The following BABAM2 variants were observed in gnomAD, a reference collection of about 807,000 sequenced individuals.
BABAM2 encodes BRISC and BRCA1 A complex member 2.
BABAM2 carries 31 observed loss-of-function variants against 54.7 expected under a neutral mutation model. That is an observed-to-expected ratio of 0.57 (90% CI 0.43 to 0.77). The LOEUF is 0.77. Among genes scored for constraint, BABAM2 ranks in the 30% least tolerant of loss-of-function variants. The pLI, the probability that BABAM2 is intolerant of heterozygous loss-of-function variation, is 0.00. For missense variants in BABAM2, 364 were observed against 455.8 expected (o/e 0.80, Z 1.83); for synonymous variants, 167 against 162.9 (o/e 1.03, Z -0.19).
rs182314431 is a variant in BABAM2 at position 28,187,165 on chromosome 2, A to G, written c.681-50037A>G. Among the ~76,000 whole-genome samples the G allele has an allele frequency of 5.3e-4, 81 of 152,208 alleles. 2 individuals are homozygous for G. In the East Asian group the frequency reaches 8.7e-3, roughly 16 times the overall value. The stretch of plus-strand genomic sequence containing the variant: ...TTTGATTGTGCATGCTACTGCAACT[A>G]TGGTATGTGAGTCTTGATTCCTATT... On this transcript the variant is annotated intron_variant, in intron 7 of 11. Coordinates refer to ENST00000379624, the MANE Select transcript of BABAM2 (RefSeq NM_199191.3).
At position 27,995,327 on chromosome 2, in the gene BABAM2, A is replaced by G. The variant is rs1443191159; in HGVS notation, c.300+7240A>G. ...AGCAAGGAGGAAAGTACACAGAACC[A>G]GGATAAGAAGCTCCTCCCTCTGCTG... On this transcript the variant is annotated intron_variant, in intron 4 of 11. Transcript: ENST00000379624. This position sits in a 1 kb window ranked among gnomAD's most constrained non-coding sequence, Gnocchi z 4.1. Among the ~76,000 whole-genome samples the G allele has an allele frequency of 6.6e-6, 1 of 152,138 alleles. No homozygotes were observed. The highest frequency in any genetic ancestry group is 6.5e-5 in the Admixed American group (1 of 15,276).
At chr2:28,237,847 G>T (rs144642899) in intron 8 of BABAM2, among the ~76,000 whole-genome samples, 56 of 152,094 alleles carry the variant, frequency 3.7e-4, no homozygotes, top group Non-Finnish European at 7.1e-4. Context: ...CAAGTCAGCT[G>T]GTCTTTTTAT....
At chr2:28,150,993 T>C (rs570726880) in intron 7 of BABAM2, among the ~76,000 whole-genome samples, 1 of 152,346 alleles carries the variant, frequency 6.6e-6, no homozygotes, top group South Asian at 2.1e-4. Flanking sequence ...TCTGACTCTT[T>C]AAGGAAATTA....
At chr2:27,921,571 A>G (rs1051734424) in intron 2 of BABAM2, among the ~76,000 whole-genome samples, 1 of 152,118 alleles carries the variant, frequency 6.6e-6, no homozygotes, top group African/African-American at 2.4e-5. Context: ...CAGCTCTGTC[A>G]CTCACTAGCA....
At chr2:28,083,976 G>A (rs1017412150) in intron 6 of BABAM2, among the ~76,000 whole-genome samples, 3 of 152,098 alleles carry the variant, frequency 2.0e-5, no homozygotes, top group South Asian at 2.1e-4. Flanking sequence ...GTAACATTTT[G>A]TTATTATACA....
At chr2:28,145,902 A>G (rs575873609) in intron 7 of BABAM2, among the ~76,000 whole-genome samples, 1 of 152,310 alleles carries the variant, frequency 6.6e-6, no homozygotes, top group Admixed American at 6.5e-5. Flanking sequence ...TTTAGCATGT[A>G]TCAATACTTC....
intron 11 of BABAM2, among the ~76,000 whole-genome samples, chr2:28,312,320 A>G (rs1689158248): frequency 6.6e-6 from 1 of 152,212 alleles, no homozygotes; most frequent in Non-Finnish European, 1.5e-5. Context: ...ATGCCTTATT[A>G]AAGTAGAGGA....
chr2:27,949,938 A>T (rs1669581016), intron 3 of BABAM2, among the ~76,000 whole-genome samples: 1 of 152,126 alleles, frequency 6.6e-6, no homozygotes, highest in Non-Finnish European at 1.5e-5. Context: ...TTTAAAAATT[A>T]TATGTGTGCA....
intron 6 of BABAM2, among the ~76,000 whole-genome samples, chr2:28,066,894 T>C (rs1026122954): frequency 3.3e-5 from 5 of 152,220 alleles, no homozygotes; most frequent in African/African-American, 1.2e-4. Context: ...TCTCCACCGT[T>C]TGAAGGTAGG....
intron 7 of BABAM2, among the ~76,000 whole-genome samples, chr2:28,223,890 T>C (rs145236866): frequency 7.0e-4 from 106 of 152,306 alleles, no homozygotes; most frequent in African/African-American, 2.3e-3. Context: ...TCCAATATGC[T>C]ATGCTAGAAC....
chr2:27,978,468 G>C (rs1671753020), intron 3 of BABAM2, among the ~76,000 whole-genome samples: 1 of 152,160 alleles, frequency 6.6e-6, no homozygotes, highest in Admixed American at 6.5e-5. Context: ...TCTATTGCTT[G>C]AACTTACTTT....
intron 3 of BABAM2, among the ~76,000 whole-genome samples, chr2:27,987,193 C>G (rs1229695867): frequency 6.6e-6 from 1 of 152,106 alleles, no homozygotes; most frequent in African/African-American, 2.4e-5. Context: ...TTAAAACTTG[C>G]TCAAGATCAC....
intron 10 of BABAM2, among the ~76,000 whole-genome samples, chr2:28,255,952 C>T (rs961030688): frequency 5.3e-5 from 8 of 152,164 alleles, no homozygotes; most frequent in Non-Finnish European, 8.8e-5. Context: ...AGGTGTGTGC[C>T]ACCACGCCTG....
intron 7 of BABAM2, among the ~76,000 whole-genome samples, chr2:28,181,298 A>C (rs1417003125): frequency 6.6e-6 from 1 of 152,224 alleles, no homozygotes. Flanking sequence ...CTACTTGGCC[A>C]TAAAGAGTGA....
At chr2:28,222,051 G>C (rs1180270275) in intron 7 of BABAM2, among the ~76,000 whole-genome samples, 1 of 152,210 alleles carries the variant, frequency 6.6e-6, no homozygotes, top group Non-Finnish European at 1.5e-5. Flanking sequence ...GGGAGGTGCT[G>C]ATGTGAGCCT....
At chr2:28,301,765 C>T (rs1386260775) in intron 11 of BABAM2, among the ~76,000 whole-genome samples, 1 of 152,180 alleles carries the variant, frequency 6.6e-6, no homozygotes, top group African/African-American at 2.4e-5. Context: ...GCTTTGGAAT[C>T]TCTTTGGTAT....
intron 2 of BABAM2, among the ~76,000 whole-genome samples, chr2:27,898,968 A>G (rs916483828): frequency 6.6e-6 from 1 of 151,938 alleles, no homozygotes; most frequent in Non-Finnish European, 1.5e-5. Flanking sequence ...AAAAAAAAAA[A>G]ACCAAACAAC....
chr2:28,122,666 C>T (rs1669179362), intron 6 of BABAM2, among the ~76,000 whole-genome samples: 1 of 152,154 alleles, frequency 6.6e-6, no homozygotes, highest in Non-Finnish European at 1.5e-5. Flanking sequence ...CTAATGTTCT[C>T]AACATATAGG....
intron 7 of BABAM2, among the ~76,000 whole-genome samples, chr2:28,189,792 G>A (rs909476939): frequency 2.0e-5 from 3 of 151,900 alleles, no homozygotes; most frequent in African/African-American, 4.8e-5. Context: ...ATTCTAAAAT[G>A]TATATATAAA....
Sources: gnomAD v4.1 joint callset for allele counts (sites outside exome capture counted in the v4.1 genomes callset) on GRCh38, gnomAD v4.1.1 for gene constraint, Gnocchi (gnomAD v3.1) non-coding constraint, MANE v1.5 for transcripts, NCBI Gene and HGNC (gene_info 2026-07-23, HGNC 2026-07-21) for gene names.